The following SGCZ variants were observed in gnomAD, a reference collection of about 807,000 sequenced individuals.
SGCZ encodes the protein sarcoglycan zeta, also known as zeta-sarcoglycan.
In SGCZ, 40 loss-of-function variants were observed where a neutral mutation model predicts 41.3. That is an observed-to-expected ratio of 0.97 (90% CI 0.75 to 1.26). The LOEUF (loss-of-function observed/expected upper bound fraction) is 1.26, where lower values mean the gene tolerates loss of function less well. SGCZ is among the 50% of genes most tolerant of loss of function. The pLI, the probability that SGCZ is intolerant of heterozygous loss-of-function variation, is 0.00. For missense variants in SGCZ, 552 were observed against 369.8 expected (o/e 1.49, Z -4.04); for synonymous variants, 206 against 137.5 (o/e 1.50, Z -3.49).
chr8:15,087,416 C>A (rs76773557), intron 1 of SGCZ, among the ~76,000 whole-genome samples: 1,633 of 152,162 alleles, frequency 0.011, 34 homozygotes, highest in African/African-American at 0.038. Context: ...GCTATAAAGA[C>A]AGAAATATGG....
At chr8:14,961,418 G>A (rs1800963192) in intron 1 of SGCZ, among the ~76,000 whole-genome samples, 1 of 152,016 alleles carries the variant, frequency 6.6e-6, no homozygotes. Flanking sequence ...AGATTCTCAT[G>A]GTCCATGGTT....
chr8:14,736,591 C>A (rs1310359916), intron 1 of SGCZ, among the ~76,000 whole-genome samples: 14 of 152,084 alleles, frequency 9.2e-5, no homozygotes, highest in Non-Finnish European at 1.2e-4. Flanking sequence ...GCAGTACACA[C>A]TACACCATAT....
intron 1 of SGCZ, among the ~76,000 whole-genome samples, chr8:15,203,021 AAT>A (rs1800943084): frequency 6.6e-6 from 1 of 152,004 alleles, no homozygotes; most frequent in Non-Finnish European, 1.5e-5. Context: ...GTGGTGGGAG[AAT>A]CACTAGAACC....
chr8:14,519,878 A>C (rs560642769), intron 2 of SGCZ, among the ~76,000 whole-genome samples: 3 of 152,278 alleles, frequency 2.0e-5, no homozygotes, highest in African/African-American at 7.2e-5. Context: ...TGTCTTACAC[A>C]CTTCAACCTT....
rs562736098 is a variant in SGCZ at position 14,975,271 on chromosome 8, A to G, written c.39+262314T>C. 2.0e-5 allele frequency among the ~76,000 whole-genome samples: 3 copies of G among 152,260 alleles called. No homozygotes were observed. The East Asian group carries it at 5.8e-4, about 29-fold the overall frequency. ...CAGTGAGCCAAGATCGCACCACTGC[A>G]CTCCAGCCTGGGCGACAGAGCAAAA... On this transcript the variant is annotated intron_variant, in intron 1 of 7. Transcript: ENST00000382080.
At chr8:14,526,791 C>T (rs889619886) in intron 2 of SGCZ, among the ~76,000 whole-genome samples, 1 of 152,134 alleles carries the variant, frequency 6.6e-6, no homozygotes, top group African/African-American at 2.4e-5. Context: ...CTCTACTTAT[C>T]CTGAAACAGG....
At chr8:14,262,381 A>G (rs1799705853) in intron 3 of SGCZ, among the ~76,000 whole-genome samples, 1 of 152,140 alleles carries the variant, frequency 6.6e-6, no homozygotes. Context: ...GGCTTATATT[A>G]TCTAATGCAG....
intron 5 of SGCZ, among the ~76,000 whole-genome samples, chr8:14,126,577 C>T (rs1341950954): frequency 6.6e-6 from 1 of 152,192 alleles, no homozygotes; most frequent in Non-Finnish European, 1.5e-5. Context: ...GACAGTGTAG[C>T]ATTTCCTCAA....
intron 1 of SGCZ, among the ~76,000 whole-genome samples, chr8:14,965,962 A>C (rs1304337232): frequency 6.6e-6 from 1 of 152,134 alleles, no homozygotes; most frequent in African/African-American, 2.4e-5. Flanking sequence ...GTTTAGATTT[A>C]AAAACCTACA....
intron 3 of SGCZ, among the ~76,000 whole-genome samples, chr8:14,317,838 A>G (rs576142735): frequency 5.4e-4 from 82 of 152,094 alleles, no homozygotes; most frequent in Non-Finnish European, 1.0e-3. Context: ...ATTAAATGTA[A>G]CCATAATTAG....
At chr8:14,447,061 T>G (rs548104964) in intron 2 of SGCZ, among the ~76,000 whole-genome samples, 1 of 152,268 alleles carries the variant, frequency 6.6e-6, no homozygotes, top group East Asian at 1.9e-4. Flanking sequence ...ATACCACATT[T>G]TCCAGAAAAT....
rs372831917 is a variant in SGCZ at position 14,999,232 on chromosome 8, G to A, written c.39+238353C>T. 8.5e-5 allele frequency among the ~76,000 whole-genome samples: 13 copies of A among 152,258 alleles called. No individual in the cohort carries two copies. The South Asian group carries it at 2.3e-3, about 27-fold the overall frequency. ...TTTCTCTTAAGTGCAAAACATTATGGTTGAATGAAACAAGGTCAAGCTATC... is the reference window on the plus strand; with the variant it reads ...TTTCTCTTAAGTGCAAAACATTATGATTGAATGAAACAAGGTCAAGCTATC... On this transcript the variant is annotated intron_variant, in intron 1 of 7. Coordinates refer to ENST00000382080, the MANE Select transcript of SGCZ (RefSeq NM_139167.4).
intron 1 of SGCZ, among the ~76,000 whole-genome samples, chr8:14,822,617 G>A (rs1276431463): frequency 1.3e-5 from 2 of 151,982 alleles, no homozygotes; most frequent in East Asian, 1.9e-4. Context: ...CATGGTGGTG[G>A]TATAAAAACA....
intron 2 of SGCZ, among the ~76,000 whole-genome samples, chr8:14,434,025 G>T (rs1295873919): frequency 6.6e-6 from 1 of 152,116 alleles, no homozygotes; most frequent in East Asian, 1.9e-4. Flanking sequence ...TGGGTTCTTG[G>T]TCATGAAATC....
chr8:14,182,166 G>C (rs74379818), intron 4 of SGCZ, among the ~76,000 whole-genome samples: 5,711 of 152,156 alleles, frequency 0.038, 336 homozygotes, highest in African/African-American at 0.13. Context: ...ACACAAAATT[G>C]GGGGAAAGAA....
chr8:14,866,085 T>A (rs1214648264), intron 1 of SGCZ, among the ~76,000 whole-genome samples: 2 of 152,112 alleles, frequency 1.3e-5, no homozygotes, highest in African/African-American at 2.4e-5. Flanking sequence ...CCTTACAATG[T>A]AAAGCAGAAA....
intron 1 of SGCZ, among the ~76,000 whole-genome samples, chr8:15,167,259 GCT>G (rs1234465080): frequency 6.6e-6 from 1 of 152,156 alleles, no homozygotes; most frequent in Non-Finnish European, 1.5e-5. Flanking sequence ...TTTTACCAAG[GCT>G]TTGACTGGAT....
At chr8:14,448,129 T>C (rs1028420129) in intron 2 of SGCZ, among the ~76,000 whole-genome samples, 3 of 152,166 alleles carry the variant, frequency 2.0e-5, no homozygotes, top group African/African-American at 7.2e-5. Flanking sequence ...AGATGGAATG[T>C]AGATGCTAAG....
intron 1 of SGCZ, among the ~76,000 whole-genome samples, chr8:15,189,988 T>A (rs763656674): frequency 2.0e-5 from 3 of 152,160 alleles, no homozygotes; most frequent in Non-Finnish European, 2.9e-5. Flanking sequence ...CATAATAACC[T>A]AGCTTCAACA....
Sources: allele counts gnomAD v4.1 joint callset (sites outside exome capture counted in the v4.1 genomes callset), GRCh38; gene constraint gnomAD v4.1.1; transcripts MANE v1.5; gene names NCBI Gene and HGNC (gene_info 2026-07-23, HGNC 2026-07-21).